The following TMEM47 variants were observed in gnomAD, a reference collection of about 807,000 sequenced individuals.
TMEM47 encodes the protein transmembrane protein 47, also known as brain cell membrane protein 1.
TMEM47 carries 3 observed loss-of-function variants against 12.4 expected under a neutral mutation model. That is an observed-to-expected ratio of 0.24 (90% CI 0.11 to 0.63). The LOEUF (loss-of-function observed/expected upper bound fraction) is 0.63. Ranked by LOEUF, TMEM47 falls within the 20% of genes least tolerant of loss-of-function variation. TMEM47 has a pLI of 0.86. For synonymous variants in TMEM47, 62 were observed against 63.3 expected, an observed-to-expected ratio of 0.98 and a Z score of 0.10; for missense variants, 89 against 143.8, an observed-to-expected ratio of 0.62 and a Z score of 1.95.
chrX:34,648,638 G>A (rs375884157), intron 1 of TMEM47, among the ~76,000 whole-genome samples: 4 of 111,672 alleles, frequency 3.6e-5, no homozygotes, highest in African/African-American at 9.8e-5. Context: ...ACATAGGAAC[G>A]GGCAAAGATT....
At chrX:34,634,436 T>A (rs1002560723) in intron 2 of TMEM47, among the ~76,000 whole-genome samples, 4 of 110,729 alleles carry the variant, frequency 3.6e-5, no homozygotes, top group Admixed American at 2.9e-4. Flanking sequence ...AATATTTTCT[T>A]CTAAGAAGGA....
rs1921563438 is a variant in TMEM47, at chrX:34,629,034, CA to C, written c.*1278del. On this transcript the variant is annotated 3_prime_UTR_variant, in exon 3 of 3. Coordinates refer to ENST00000275954, the MANE Select transcript of TMEM47 (RefSeq NM_031442.4). ...TAACTTCAGAGGACCAGGTGATAACCAGATGAATTCTACTCCTCTACTGAGA... is the reference window on the plus strand; with the variant it reads ...TAACTTCAGAGGACCAGGTGATAACCGATGAATTCTACTCCTCTACTGAGA... The C allele has an allele frequency of 9.0e-6, 1 of 111,522 alleles. No individual in the cohort carries two copies. The highest frequency in any genetic ancestry group is 3.7e-4 in the South Asian group (1 of 2,678). The allele number at this position is 111,522 out of a possible 1,213,427, so 9.2% of individuals were successfully genotyped here.
At position 34,630,173 on chromosome X, in the gene TMEM47, A is replaced by C; in HGVS notation, c.*140T>G. Reference sequence around the variant, plus strand: ...AAAGCTGGTTATGATGTTGACAGCCAAAAGGCAAAAAAGATTAAATCAACT... The same window carrying C: ...AAAGCTGGTTATGATGTTGACAGCCCAAAGGCAAAAAAGATTAAATCAACT... On this transcript the variant is annotated 3_prime_UTR_variant, in exon 3 of 3. Transcript: ENST00000275954. The C allele has an allele frequency of 1.6e-6, 1 of 619,574 alleles. No homozygotes were observed. Among genetic ancestry groups the C allele is most frequent in the Non-Finnish European group, 2.3e-6 (1 of 426,628 alleles). The allele number at this position is 619,574 out of a possible 1,213,427, so 51.1% of individuals were successfully genotyped here.
chrX:34,651,281 G>A (rs756830510), intron 1 of TMEM47, among the ~76,000 whole-genome samples: 4 of 111,767 alleles, frequency 3.6e-5, no homozygotes, highest in Admixed American at 2.8e-4. Context: ...CTTGTCCTGC[G>A]GGACCCACTC....
chrX:34,635,817 T>C (rs1042327204), intron 2 of TMEM47, among the ~76,000 whole-genome samples: 9 of 99,317 alleles, frequency 9.1e-5, no homozygotes, highest in African/African-American at 3.1e-4. Flanking sequence ...AAGGCAATAA[T>C]GATGGTGTAC....
At chrX:34,644,753 G>A (rs1921880107) in intron 1 of TMEM47, among the ~76,000 whole-genome samples, 1 of 111,457 alleles carries the variant, frequency 9.0e-6, no homozygotes, top group Non-Finnish European at 1.9e-5. Flanking sequence ...TGTTTAGGTG[G>A]GTAGTATTCC....
chrX:34,651,593 G>T (rs190910494), intron 1 of TMEM47, among the ~76,000 whole-genome samples: 2 of 112,110 alleles, frequency 1.8e-5, no homozygotes, highest in African/African-American at 3.2e-5. Context: ...TTTTGTTGTG[G>T]TTAGTTTCCC....
intron 1 of TMEM47, among the ~76,000 whole-genome samples, chrX:34,643,169 C>T (rs1296124412): frequency 5.4e-5 from 6 of 111,252 alleles, no homozygotes; most frequent in Non-Finnish European, 1.1e-4. Context: ...ATTTCCCTCT[C>T]TCTTACTGAA....
chrX:34,653,871 C>A (rs6632042), intron 1 of TMEM47, among the ~76,000 whole-genome samples: 34,329 of 108,891 alleles, frequency 0.32, 4,157 homozygotes, highest in East Asian at 0.65. Flanking sequence ...TTTTTTTTTT[C>A]TCTTTCCACC....
At chrX:34,652,561 C>A (rs981551554) in intron 1 of TMEM47, among the ~76,000 whole-genome samples, 1 of 112,227 alleles carries the variant, frequency 8.9e-6, no homozygotes, top group Admixed American at 9.5e-5. Flanking sequence ...ATCTAAGTGG[C>A]TCCCTGGGAA....
chrX:34,631,901 T>C (rs983953109), intron 2 of TMEM47, among the ~76,000 whole-genome samples: 1 of 111,870 alleles, frequency 8.9e-6, no homozygotes, highest in African/African-American at 3.3e-5. Context: ...TTCTCTACCA[T>C]AGGACAGCTT....
chrX:34,631,170 C>CAA lies in TMEM47; in HGVS notation c.368-681_368-680dup, dbSNP rs34845525. Among the ~76,000 whole-genome samples, 122 of 18,566 alleles carry CAA rather than the reference C, an allele frequency of 6.6e-3. 5 individuals are homozygous for CAA. The highest frequency in any genetic ancestry group is 0.018 in the African/African-American group (57 of 3,127). 16.1% of individuals were successfully genotyped at this position (18,566 alleles called of 115,157 possible). A position where few individuals can be genotyped will look rare whatever the true frequency, so the allele number is the denominator to read the frequency against. ...TGGGCGACAGAGCCAGACTCTGTCT[C>CAA]AAAAAAAAAAAAAAAAAAAAAAAAA... On this transcript the variant is annotated intron_variant, in intron 2 of 2. Coordinates refer to ENST00000275954, the MANE Select transcript of TMEM47 (RefSeq NM_031442.4).
chrX:34,634,441 G>A (rs1032253009), intron 2 of TMEM47, among the ~76,000 whole-genome samples: 10 of 109,553 alleles, frequency 9.1e-5, no homozygotes, highest in African/African-American at 3.0e-4. Flanking sequence ...TTTCTTCTAA[G>A]AAGGACATTT....
In TMEM47 at chrX:34,637,932, G is replaced by A. The variant is rs372711813; in HGVS notation, c.367+1315C>T. On this transcript the variant is annotated intron_variant, in intron 2 of 2. Coordinates refer to ENST00000275954, the MANE Select transcript of TMEM47 (RefSeq NM_031442.4). ...GGCTGGAGTGTAATGGTGTGCTGTC[G>A]GCTCACTGCAGCGTCAAGCTCCCAG... Among the ~76,000 whole-genome samples, 16 of 109,840 alleles carry A rather than the reference G, an allele frequency of 1.5e-4. No homozygotes were observed. The South Asian group carries it at 6.3e-3, about 43-fold the overall frequency.
At chrX:34,649,810 C>T (rs1921983494) in intron 1 of TMEM47, among the ~76,000 whole-genome samples, 1 of 111,907 alleles carries the variant, frequency 8.9e-6, no homozygotes, top group Non-Finnish European at 1.9e-5. Flanking sequence ...ACTGCAACCT[C>T]TGCCTCCCGG....
chrX:34,657,018 C>T lies in TMEM47; in HGVS notation c.12G>A (p.Ala4=). Reference sequence around the variant, plus strand: ...CGCGCACCTCCTCCATGCCGCTGCCCGCCGAAGCCATTCCTGGGCGCCGCT... The same window carrying T: ...CGCGCACCTCCTCCATGCCGCTGCCTGCCGAAGCCATTCCTGGGCGCCGCT... MAS[A]GSGMEEVRVS... The change falls in exon 1 of 3, where the codon GCG becomes GCA. Residue 4 remains alanine (A), a synonymous_variant. Transcript: ENST00000275954. 7.8e-6 allele frequency: 9 copies of T among 1,149,855 alleles called. No homozygotes were observed. Among genetic ancestry groups the T allele is most frequent in the Non-Finnish European group, 1.0e-5 (9 of 862,826 alleles). The allele number at this position is 1,149,855 out of a possible 1,213,427, so 94.8% of individuals were successfully genotyped here. A position where few individuals can be genotyped will look rare whatever the true frequency, so the allele number is the denominator to read the frequency against.
chrX:34,630,021 A>G lies in TMEM47; in HGVS notation c.*292T>C. 1.5e-5 allele frequency: 3 copies of G among 196,096 alleles called. No individual in the cohort carries two copies. Among genetic ancestry groups the G allele is most frequent in the Non-Finnish European group, 2.8e-5 (3 of 106,465 alleles). 16.2% of individuals were successfully genotyped at this position (196,096 alleles called of 1,213,427 possible). On this transcript the variant is annotated 3_prime_UTR_variant, in exon 3 of 3. Coordinates refer to ENST00000275954, the MANE Select transcript of TMEM47 (RefSeq NM_031442.4). ...CAAATCTCATTCCAACTAGTTTCTC[A>G]CAATGGTTGCTGTCATATAGACCCT...
rs921842417 is a variant in TMEM47 at position 34,628,445 on chromosome X, C to T, written c.*1868G>A. On this transcript the variant is annotated 3_prime_UTR_variant, in exon 3 of 3. Transcript: ENST00000275954. ...GGTTTCTGTCTGTGATGTATTTATT[C>T]GCTTTTGTCTATCATTGCTAAAGTA... 5 of 111,403 alleles carry T rather than the reference C, an allele frequency of 4.5e-5. No individual in the cohort carries two copies. The highest frequency in any genetic ancestry group is 5.7e-4 in the East Asian group (2 of 3,536). 9.2% of individuals were successfully genotyped at this position (111,403 alleles called of 1,213,427 possible). A position where few individuals can be genotyped will look rare whatever the true frequency, so the allele number is the denominator to read the frequency against.
At chrX:34,631,781 A>G (rs998489437) in intron 2 of TMEM47, among the ~76,000 whole-genome samples, 1 of 112,413 alleles carries the variant, frequency 8.9e-6, no homozygotes, top group Non-Finnish European at 1.9e-5. Context: ...TGTTGTGGAT[A>G]TGCACAAGAC....
Sources: gnomAD v4.1 joint callset for allele counts (sites outside exome capture counted in the v4.1 genomes callset) on GRCh38, gnomAD v4.1.1 for gene constraint, MANE v1.5 for transcripts, NCBI Gene and HGNC (gene_info 2026-07-23, HGNC 2026-07-21) for gene names.